CNTNAP2: variants seen among roughly 807,000 people sequenced by gnomAD.
The protein encoded by CNTNAP2 is contactin associated protein 2.
CNTNAP2 carries 98 observed loss-of-function variants against 155.2 expected under a neutral mutation model. The ratio of observed to expected loss-of-function variants is 0.63; its 90% CI spans 0.54 to 0.75. The LOEUF is 0.75. Ranked by LOEUF, CNTNAP2 falls within the 30% of genes least tolerant of loss-of-function variation. The probability of loss-of-function intolerance (pLI) is 0.00; values close to 1 mark genes in which losing one functional copy is unlikely to be tolerated. For synonymous variants in CNTNAP2, 651 were observed against 631.2 expected (o/e 1.03, Z -0.47); for missense variants, 1,727 against 1,688.1 (o/e 1.02, Z -0.40).
At chr7:147,195,852 A>G (rs1441766765) in intron 8 of CNTNAP2, among the ~76,000 whole-genome samples, 1 of 152,032 alleles carries the variant, frequency 6.6e-6, no homozygotes, top group African/African-American at 2.4e-5. Context: ...AGCTATCTGG[A>G]TTCTAGATTT....
At chr7:146,163,811 A>C (rs557639931) in intron 1 of CNTNAP2, among the ~76,000 whole-genome samples, 2 of 151,684 alleles carry the variant, frequency 1.3e-5, no homozygotes, top group South Asian at 4.1e-4. Flanking sequence ...GAGATCATTC[A>C]AGATTTACAC....
chr7:146,444,169 C>T (rs1342536045), intron 1 of CNTNAP2, among the ~76,000 whole-genome samples: 1 of 152,032 alleles, frequency 6.6e-6, no homozygotes, highest in Non-Finnish European at 1.5e-5. Flanking sequence ...GAACTACAGG[C>T]ACTCGCCACC....
chr7:147,085,909 G>GC (rs1434312011), intron 4 of CNTNAP2: 1 of 152,138 alleles, frequency 6.6e-6, no homozygotes, highest in Admixed American at 6.6e-5. Context: ...AAATTATGTA[G>GC]CTAAGACACG....
At chr7:147,192,823 G>T (rs892468279) in intron 8 of CNTNAP2, among the ~76,000 whole-genome samples, 1 of 152,106 alleles carries the variant, frequency 6.6e-6, no homozygotes, top group African/African-American at 2.4e-5. Flanking sequence ...TAACTACAAT[G>T]CTTTCTAAAG....
intron 4 of CNTNAP2, among the ~76,000 whole-genome samples, chr7:147,054,473 T>A (rs985387532): frequency 6.6e-5 from 10 of 152,132 alleles, no homozygotes; most frequent in African/African-American, 2.4e-4. Context: ...TTATTTATGA[T>A]AGATGATTGC....
At chr7:148,354,748 T>G (rs1798483561) in intron 21 of CNTNAP2, among the ~76,000 whole-genome samples, 1 of 151,960 alleles carries the variant, frequency 6.6e-6, no homozygotes. Flanking sequence ...AACCCAACTT[T>G]CTTTTTATGT....
chr7:147,902,909 A>G (rs1799896743), intron 13 of CNTNAP2, among the ~76,000 whole-genome samples: 2 of 150,842 alleles, frequency 1.3e-5, no homozygotes, highest in Admixed American at 1.3e-4. Context: ...ACATTTTTGC[A>G]ATGGTGAATT....
intron 1 of CNTNAP2, among the ~76,000 whole-genome samples, chr7:146,314,307 C>T (rs1322206316): frequency 6.6e-6 from 1 of 152,146 alleles, no homozygotes; most frequent in African/African-American, 2.4e-5. Context: ...TTCTTAGTGG[C>T]CCCAATACAT....
At chr7:146,908,367 C>A (rs1318118956) in intron 3 of CNTNAP2, among the ~76,000 whole-genome samples, 8 of 149,106 alleles carry the variant, frequency 5.4e-5, no homozygotes, top group African/African-American at 1.7e-4. Context: ...AGCACCACAC[C>A]ACACCTATTC....
intron 13 of CNTNAP2, among the ~76,000 whole-genome samples, chr7:147,755,794 A>G (rs1353481362): frequency 6.6e-6 from 1 of 152,192 alleles, no homozygotes; most frequent in Admixed American, 6.5e-5. Flanking sequence ...TGCTGTTGCC[A>G]TCTTGGGATT....
chr7:148,046,225 C>G (rs948361394), intron 15 of CNTNAP2, among the ~76,000 whole-genome samples: 6 of 152,098 alleles, frequency 3.9e-5, no homozygotes, highest in Admixed American at 3.3e-4. Context: ...GGATTACACT[C>G]GTGAGCCATT....
chr7:146,221,359 CG>C (rs150504675), intron 1 of CNTNAP2, among the ~76,000 whole-genome samples: 4,576 of 151,818 alleles, frequency 0.03, 231 homozygotes, highest in African/African-American at 0.11. Flanking sequence ...TATAAATATA[CG>C]TTTAAATATA....
chr7:148,289,175 G>A (rs985875247), intron 21 of CNTNAP2, among the ~76,000 whole-genome samples: 1 of 152,218 alleles, frequency 6.6e-6, no homozygotes, highest in Non-Finnish European at 1.5e-5. Flanking sequence ...CCCCTAGAAA[G>A]TCACAATAGC....
chr7:146,483,992 T>C (rs1797019057), intron 1 of CNTNAP2, among the ~76,000 whole-genome samples: 1 of 152,214 alleles, frequency 6.6e-6, no homozygotes, highest in South Asian at 2.1e-4. Context: ...CAGAGCAACT[T>C]CTAGTCATGT....
intron 13 of CNTNAP2, among the ~76,000 whole-genome samples, chr7:147,874,483 T>C (rs1267372097): frequency 6.6e-6 from 1 of 152,252 alleles, no homozygotes; most frequent in Non-Finnish European, 1.5e-5. Context: ...TGGCTCCTTT[T>C]AGCCATGGCT....
intron 1 of CNTNAP2, among the ~76,000 whole-genome samples, chr7:146,752,774 C>A (rs187460044): frequency 3.5e-4 from 54 of 152,274 alleles, no homozygotes; most frequent in Admixed American, 3.1e-3. Flanking sequence ...AGTCTTTAAT[C>A]CATCTTGAGT....
At chr7:148,185,576 T>G in intron 18 of CNTNAP2, among the ~76,000 whole-genome samples, 1 of 152,224 alleles carries the variant, frequency 6.6e-6, no homozygotes, top group East Asian at 1.9e-4. Flanking sequence ...TGAGTCCAGA[T>G]TTTTCTCAGG....
intron 1 of CNTNAP2, among the ~76,000 whole-genome samples, chr7:146,627,857 G>C (rs961310756): frequency 6.6e-6 from 1 of 151,978 alleles, no homozygotes; most frequent in Non-Finnish European, 1.5e-5. Flanking sequence ...AATGACACTG[G>C]TTACTACTTT....
intron 14 of CNTNAP2, among the ~76,000 whole-genome samples, chr7:147,933,855 T>C (rs991359769): frequency 6.6e-6 from 1 of 152,058 alleles, no homozygotes; most frequent in African/African-American, 2.4e-5. Context: ...AGAGTGAGAC[T>C]CTATCTCAAA....
Sources: gnomAD v4.1 joint callset for allele counts (sites outside exome capture counted in the v4.1 genomes callset) on GRCh38, gnomAD v4.1.1 for gene constraint, MANE v1.5 for transcripts, NCBI Gene and HGNC (gene_info 2026-07-23, HGNC 2026-07-21) for gene names.